SERINC5: variants seen among roughly 807,000 people sequenced by gnomAD.
SERINC5 encodes chromosome 5 open reading frame 12.
Under a neutral mutation model 63.1 loss-of-function variants are expected in SERINC5, and 41 were observed. The ratio of observed to expected loss-of-function variants is 0.65; its 90% confidence interval spans 0.51 to 0.84. The LOEUF (loss-of-function observed/expected upper bound fraction) is 0.84. Ranked by LOEUF, SERINC5 falls within the 40% of genes least tolerant of loss-of-function variation. The pLI, the probability that SERINC5 is intolerant of heterozygous loss-of-function variation, is 0.00. For synonymous variants in SERINC5, 222 were observed against 215.2 expected, an observed-to-expected ratio of 1.03 and a Z score of -0.28; for missense variants, 523 against 573.0, an observed-to-expected ratio of 0.91 and a Z score of 0.89.
chr5:80,152,346 CA>C (rs1356992977), intron 8 of SERINC5, among the ~76,000 whole-genome samples: 8 of 151,934 alleles, frequency 5.3e-5, no homozygotes, highest in African/African-American at 1.9e-4. Flanking sequence ...ACAAAAAATA[CA>C]AAAATTAGCC....
chr5:80,255,951 G>C lies in SERINC5; in HGVS notation c.-29C>G, dbSNP rs116372879. 3,911 of 1,526,894 alleles carry C rather than the reference G, an allele frequency of 2.6e-3. 104 individuals are homozygous for C. The African/African-American group carries it at 0.049, about 19-fold the overall frequency. The allele number at this position is 1,526,894 out of a possible 1,614,324, so 94.6% of individuals were successfully genotyped here. A position where few individuals can be genotyped will look rare whatever the true frequency, so the allele number is the denominator to read the frequency against. On this transcript the variant is annotated 5_prime_UTR_variant, in exon 1 of 12. Coordinates refer to ENST00000507668, the MANE Select transcript of SERINC5 (RefSeq NM_001174072.3). ...GGCGGCCAATGCCGAAGGCGCGCTC[G>C]CTGGCTCCCCGCGCCGCACGGGCCC...
intron 11 of SERINC5, among the ~76,000 whole-genome samples, chr5:80,120,731 C>T (rs1744508688): frequency 6.6e-6 from 1 of 152,002 alleles, no homozygotes; most frequent in Admixed American, 6.6e-5. Context: ...ACAAGAATCG[C>T]TTGAACCCAG....
At position 80,141,904 on chromosome 5, in the gene SERINC5, T is replaced by G. The variant is rs1745531933; in HGVS notation, c.*1759A>C. On this transcript the variant is annotated 3_prime_UTR_variant, in exon 12 of 12. Coordinates refer to ENST00000507668, the MANE Select transcript of SERINC5 (RefSeq NM_001174072.3). ...CAAACACTCTAAGTAGGGAAAGTTC[T>G]AAAGGAATTCATCCCCTGTAATTTG... 1.0e-6 allele frequency: 1 copy of G among 985,370 alleles called. No individual in the cohort carries two copies. 61.0% of individuals were successfully genotyped at this position (985,370 alleles called of 1,614,324 possible).
intron 5 of SERINC5, among the ~76,000 whole-genome samples, chr5:80,170,563 CTT>C (rs1418439499): frequency 6.6e-6 from 1 of 152,166 alleles, no homozygotes; most frequent in Non-Finnish European, 1.5e-5. Context: ...TCCTGAGACT[CTT>C]TATTTCCTTT....
intron 1 of SERINC5, among the ~76,000 whole-genome samples, chr5:80,230,987 T>C (rs978365538): frequency 7.5e-6 from 1 of 133,126 alleles, no homozygotes; most frequent in African/African-American, 3.2e-5. Flanking sequence ...AATATTTGTA[T>C]TTTTTGTAGA....
chr5:80,205,080 T>C (rs1199412376), intron 1 of SERINC5, among the ~76,000 whole-genome samples: 1 of 152,136 alleles, frequency 6.6e-6, no homozygotes, highest in Non-Finnish European at 1.5e-5. Flanking sequence ...GCACTTTGTG[T>C]TTACCCAACA....
Position 80,169,371 on chromosome 5 carries a change from T to G in SERINC5, c.727A>C (p.Ile243Leu). The G allele has an allele frequency of 6.2e-7, 1 of 1,614,014 alleles. No individual in the cohort carries two copies. Among genetic ancestry groups the G allele is most frequent in the Non-Finnish European group, 8.5e-7 (1 of 1,179,868 alleles). Reference protein sequence around the residue: ...LGVNGGLCLLISLVAISPWVQ... With the variant: ...LGVNGGLCLLLSLVAISPWVQ... ...CAGGGTGAGATGGCTACCAATGATA[T>G]AAGCAGGCACAGGCCTCCATTTACT... is the stretch of plus-strand genomic sequence containing the variant. The change falls in exon 6 of 12, where the codon ATA (isoleucine) becomes CTA (leucine). Residue 243 changes from isoleucine (I) to leucine (L), a missense_variant. Transcript: ENST00000507668.
In SERINC5 at chr5:80,169,409, T is replaced by C; in HGVS notation, c.689A>G (p.Lys230Arg). The C allele has an allele frequency of 6.2e-7, 1 of 1,614,028 alleles. No homozygotes were observed. The highest frequency in any genetic ancestry group is 8.5e-7 in the Non-Finnish European group (1 of 1,179,872). Residue 230 changes from lysine (K) to arginine (R), a missense_variant, in exon 6 of 12, where the codon AAA becomes AGA. Lys to Arg is a conservative substitution (Grantham distance 26, BLOSUM62 2). Coordinates refer to ENST00000507668, the MANE Select transcript of SERINC5 (RefSeq NM_001174072.3). The part of the protein sequence containing the change: ...YTQKDSCMEN[K>R]ILLGVNGGLC... ...GCCTCCATTTACTCCCAGCAGAATTTTGTTTTCCATGCAGCTGTCTTTCTG... is the reference window on the plus strand; with the variant it reads ...GCCTCCATTTACTCCCAGCAGAATTCTGTTTTCCATGCAGCTGTCTTTCTG...
At chr5:80,145,292 G>A (rs1399642725) in intron 11 of SERINC5, among the ~76,000 whole-genome samples, 1 of 151,956 alleles carries the variant, frequency 6.6e-6, no homozygotes, top group Admixed American at 6.6e-5. Context: ...GCAGTGAGCC[G>A]AGATTGCGCC....
intron 2 of SERINC5, among the ~76,000 whole-genome samples, chr5:80,182,262 A>T (rs1467944583): frequency 6.6e-6 from 1 of 152,194 alleles, no homozygotes; most frequent in African/African-American, 2.4e-5. Flanking sequence ...GGCGTCACTC[A>T]CAAAAACCAA....
chr5:80,144,768 T>C (rs1745713381), intron 11 of SERINC5, among the ~76,000 whole-genome samples: 1 of 152,252 alleles, frequency 6.6e-6, no homozygotes. Flanking sequence ...CGTCATAGTC[T>C]GTCTCTCCTG....
At position 80,199,891 on chromosome 5, in the gene SERINC5, A is replaced by G. The variant is rs1351623686; in HGVS notation, c.195+2995T>C. ...GGATTTAGAAATTCAAGCTTGTTGA[A>G]TTTACAAAGAGTAAATTTAAGTAAT... On this transcript the variant is annotated intron_variant, in intron 2 of 11. Transcript: ENST00000507668. Among the ~76,000 whole-genome samples the G allele has an allele frequency of 3.3e-5, 5 of 152,238 alleles. No homozygotes were observed. In the East Asian group the frequency reaches 7.7e-4, roughly 23 times the overall value.
At chr5:80,151,643 C>T (rs1410079013) in intron 8 of SERINC5, among the ~76,000 whole-genome samples, 3 of 152,176 alleles carry the variant, frequency 2.0e-5, no homozygotes, top group Non-Finnish European at 2.9e-5. Context: ...AGCAAGACCT[C>T]ATCTCTACAA....
At chr5:80,170,755 C>T (rs990091075) in intron 5 of SERINC5, among the ~76,000 whole-genome samples, 4 of 152,170 alleles carry the variant, frequency 2.6e-5, no homozygotes, top group Non-Finnish European at 4.4e-5. Context: ...GTGGCTCACA[C>T]CTGTAATCCC....
intron 11 of SERINC5, among the ~76,000 whole-genome samples, chr5:80,127,662 CTT>C (rs1353691362): frequency 3.9e-5 from 6 of 151,954 alleles, no homozygotes; most frequent in African/African-American, 1.4e-4. Flanking sequence ...TGTTTTAAAA[CTT>C]AATTTTGAAG....
At chr5:80,231,071 G>A (rs942811823) in intron 1 of SERINC5, among the ~76,000 whole-genome samples, 1 of 152,110 alleles carries the variant, frequency 6.6e-6, no homozygotes, top group Non-Finnish European at 1.5e-5. Flanking sequence ...TCACATGGTG[G>A]GATTACAGGT....
At chr5:80,233,835 A>T (rs62364032) in intron 1 of SERINC5, among the ~76,000 whole-genome samples, 1 of 122,082 alleles carries the variant, frequency 8.2e-6, no homozygotes, top group South Asian at 2.6e-4. Flanking sequence ...TTTTTGAGAC[A>T]GAGTCTCACT....
At chr5:80,207,199 T>C (rs1351869816) in intron 1 of SERINC5, among the ~76,000 whole-genome samples, 1 of 152,050 alleles carries the variant, frequency 6.6e-6, no homozygotes, top group Non-Finnish European at 1.5e-5. Flanking sequence ...GGGGTTTCAC[T>C]GTGTTAGCCA....
In SERINC5 at chr5:80,196,009, G is replaced by A. The variant is rs1037374811; in HGVS notation, c.195+6877C>T. Among the ~76,000 whole-genome samples, 5 of 152,172 alleles carry A rather than the reference G, an allele frequency of 3.3e-5. No homozygotes were observed. The South Asian group carries it at 8.3e-4, about 25-fold the overall frequency. On this transcript the variant is annotated intron_variant, in intron 2 of 11. Transcript: ENST00000507668. ...CTACTCAAGTTCAAACAAGGTAAGTGTAATATGCAACACCAGGGAGGGTGG... is the reference window on the plus strand; with the variant it reads ...CTACTCAAGTTCAAACAAGGTAAGTATAATATGCAACACCAGGGAGGGTGG...
Sources: allele counts gnomAD v4.1 joint callset (sites outside exome capture counted in the v4.1 genomes callset), GRCh38; gene constraint gnomAD v4.1.1; transcripts MANE v1.5; gene names NCBI Gene and HGNC (gene_info 2026-07-23, HGNC 2026-07-21).